Variants in THYN1 observed in about 807,000 individuals in gnomAD.
THYN1 encodes the protein thymocyte nuclear protein 1.
Under a neutral mutation model 30.6 loss-of-function variants are expected in THYN1, and 32 were observed. That is an observed-to-expected ratio of 1.05 (90% confidence interval 0.79 to 1.40). The LOEUF (loss-of-function observed/expected upper bound fraction) is 1.40, where lower values mean the gene tolerates loss of function less well. THYN1 is among the 40% of genes most tolerant of loss of function. The pLI is 0.00. For synonymous variants in THYN1, 107 were observed against 90.8 expected (o/e 1.18, Z -1.01); for missense variants, 259 against 272.6 (o/e 0.95, Z 0.35).
At position 134,251,220 on chromosome 11, in the gene THYN1, T is replaced by G. The variant is rs774595239; in HGVS notation, c.132A>C (p.Ser44=). 17 of 1,614,268 alleles carry G rather than the reference T, an allele frequency of 1.1e-5. No homozygotes were observed. The highest frequency in any genetic ancestry group is 1.4e-5 in the Non-Finnish European group (17 of 1,180,048). The part of the protein sequence containing the change: ...KVEDSNPQKT[S]ATKNCLKNLS... ...GATTCTTCAAACAGTTTTTAGTGGC[T>G]GAAGTCTTCTGAGGGTTGGAGTCCT... The change falls in exon 2 of 7, where the codon TCA becomes TCC. Residue 44 remains serine (S), a synonymous_variant. Coordinates refer to ENST00000341541, the MANE Select transcript of THYN1 (RefSeq NM_014174.3).
intron 2 of THYN1, among the ~76,000 whole-genome samples, chr11:134,250,910 T>C (rs1040761903): frequency 6.6e-6 from 1 of 152,234 alleles, no homozygotes; most frequent in African/African-American, 2.4e-5. Context: ...CTACAAAATT[T>C]ACTATCTGGC....
intron 5 of THYN1, 70 bp from the exon 6 acceptor site, chr11:134,249,029 C>T (rs904787294): frequency 6.3e-7 from 1 of 1,591,100 alleles, no homozygotes; most frequent in African/African-American, 1.3e-5. Flanking sequence ...TTTTTAACCG[C>T]CCACAGGAAG....
intron 1 of THYN1, chr11:134,251,768 T>G (rs111412607): frequency 0.044 from 6,699 of 152,990 alleles, 487 homozygotes; most frequent in African/African-American, 0.15. Flanking sequence ...TCTTGCTCAC[T>G]GTGGCTCCTG....
At chr11:134,251,087 A>T in intron 2 of THYN1, 43 bp downstream of exon 2, 1 of 1,545,420 alleles carries the variant, frequency 6.5e-7, no homozygotes, top group Non-Finnish European at 8.7e-7. Context: ...CTTCTCATTT[A>T]AAAAACACCA....
intron 4 of THYN1, 53 bp downstream of exon 4, chr11:134,249,775 A>T: frequency 6.4e-7 from 1 of 1,552,724 alleles, no homozygotes; most frequent in Middle Eastern, 1.7e-4. Context: ...ATATCTACTT[A>T]AGTTAGTCTC....
In THYN1 at chr11:134,248,969, AAC is replaced by A; in HGVS notation, c.481-12_481-11del. ...CAAACTGTACATCCACCTATGTGACAACAGTGTACATGACAGAAAGACGTGTC... is the reference window on the plus strand; with the variant it reads ...CAAACTGTACATCCACCTATGTGACAAGTGTACATGACAGAAAGACGTGTC... On this transcript the variant is annotated splice_polypyrimidine_tract_variant and intron_variant, in intron 5 of 6. Coordinates refer to ENST00000341541, the MANE Select transcript of THYN1 (RefSeq NM_014174.3). 6.2e-7 allele frequency: 1 copy of A among 1,614,166 alleles called. No homozygotes were observed. The highest frequency in any genetic ancestry group is 1.3e-5 in the African/African-American group (1 of 75,042).
In THYN1 at chr11:134,253,025, C is replaced by G; in HGVS notation, c.-143G>C. On this transcript the variant is annotated 5_prime_UTR_variant, in exon 1 of 7. Coordinates refer to ENST00000341541, the MANE Select transcript of THYN1 (RefSeq NM_014174.3). ...TAGAACGTCTCCAACTTTTGCGAAA[C>G]ACAGACGCCTACGTTTGAGCCCTCA... is the stretch of plus-strand genomic sequence containing the variant. 7.0e-7 allele frequency: 1 copy of G among 1,435,060 alleles called. No homozygotes were observed. The allele number at this position is 1,435,060 out of a possible 1,614,324, so 88.9% of individuals were successfully genotyped here.
In THYN1 at chr11:134,248,799, C is replaced by T. The variant is rs758274347; in HGVS notation, c.631+10G>A. ...GTATATGGACAATAAAGGAGAGGGC[C>T]CACTCTTACCCTGGGTCAGGGGCTG... On this transcript the variant is annotated intron_variant, in intron 6 of 6. Transcript: ENST00000341541. The T allele has an allele frequency of 3.1e-6, 5 of 1,613,884 alleles. No individual in the cohort carries two copies. Among genetic ancestry groups the T allele is most frequent in the Non-Finnish European group, 2.5e-6 (3 of 1,179,864 alleles).
At chr11:134,252,746 C>A in intron 1 of THYN1, 94 bp downstream of exon 1, 1 of 1,406,030 alleles carries the variant, frequency 7.1e-7, no homozygotes. Context: ...ACAAAGGGTT[C>A]TCAAAAAGCA....
rs570267747 is a variant in THYN1 at position 134,249,720 on chromosome 11, G to C, written c.384+108C>G. The C allele has an allele frequency of 2.8e-6, 3 of 1,054,888 alleles. No homozygotes were observed. In the African/African-American group the frequency reaches 4.8e-5, roughly 17 times the overall value. The allele number at this position is 1,054,888 out of a possible 1,614,324, so 65.3% of individuals were successfully genotyped here. On this transcript the variant is annotated intron_variant, in intron 4 of 6. Transcript: ENST00000341541. Reference sequence around the variant, plus strand: ...ATTCCTGTAAAAGGGGGATGGGGTGGGGGGGAGTGTACTTTTTTGTTGCCT... The same window carrying C: ...ATTCCTGTAAAAGGGGGATGGGGTGCGGGGGAGTGTACTTTTTTGTTGCCT...
At position 134,253,090 on chromosome 11, in the gene THYN1, T is replaced by C. The variant is rs1939200063; in HGVS notation, c.-208A>G. ...TTATCTGCGCCATTTCCATCTCGCA[T>C]AACCTGCCCCTAAACTCTTCTCGGT... On this transcript the variant is annotated 5_prime_UTR_variant, in exon 1 of 7. An upstream start codon of the reference 5' UTR is lost. Transcript: ENST00000341541. 1 of 1,389,278 alleles carries C rather than the reference T, an allele frequency of 7.2e-7. No homozygotes were observed. The highest frequency in any genetic ancestry group is 9.3e-7 in the Non-Finnish European group (1 of 1,078,286). 86.1% of individuals were successfully genotyped at this position (1,389,278 alleles called of 1,614,324 possible). A position where few individuals can be genotyped will look rare whatever the true frequency, so the allele number is the denominator to read the frequency against.
chr11:134,253,290 G>C lies in THYN1; in HGVS notation c.-408C>G. ...ATCTAGATGATGAAGTAATTTGCTG[G>C]CTACAGACCCAACACTCTGCAGACT... is the stretch of plus-strand genomic sequence containing the variant. On this transcript the variant is annotated 5_prime_UTR_variant, in exon 1 of 7. Transcript: ENST00000341541. The C allele has an allele frequency of 7.3e-7, 1 of 1,363,528 alleles. No homozygotes were observed. The highest frequency in any genetic ancestry group is 9.4e-7 in the Non-Finnish European group (1 of 1,059,446). The allele number at this position is 1,363,528 out of a possible 1,614,324, so 84.5% of individuals were successfully genotyped here.
At chr11:134,252,190 C>T (rs1939107197) in intron 1 of THYN1, among the ~76,000 whole-genome samples, 1 of 152,174 alleles carries the variant, frequency 6.6e-6, no homozygotes, top group Admixed American at 6.5e-5. Flanking sequence ...CTGTCTAATG[C>T]TCTGAACCCA....
rs754023155 is a variant in THYN1, at chr11:134,249,093, C to T, written c.480+74G>A. On this transcript the variant is annotated intron_variant, in intron 5 of 6. Coordinates refer to ENST00000341541, the MANE Select transcript of THYN1 (RefSeq NM_014174.3). Reference sequence around the variant, plus strand: ...TAAGTGCTGGGCCGTGTACCTTGACCTACAGTCACCCCAACCGTCTTCTTC... The same window carrying T: ...TAAGTGCTGGGCCGTGTACCTTGACTTACAGTCACCCCAACCGTCTTCTTC... The T allele has an allele frequency of 3.9e-6, 6 of 1,555,504 alleles. 1 individual carries two copies. The South Asian group carries it at 7.1e-5, about 18-fold the overall frequency.
chr11:134,252,499 C>T (rs1003610917), intron 1 of THYN1, among the ~76,000 whole-genome samples: 34 of 152,188 alleles, frequency 2.2e-4, no homozygotes, highest in African/African-American at 7.7e-4. Flanking sequence ...AGGCCTTCCC[C>T]GTGATTCCTC....
Position 134,248,975 on chromosome 11 carries a change from G to A in THYN1, c.481-16C>T. 6.2e-7 allele frequency: 1 copy of A among 1,613,976 alleles called. No individual in the cohort carries two copies. Among genetic ancestry groups the A allele is most frequent in the South Asian group, 1.1e-5 (1 of 91,078 alleles). Reference sequence around the variant, plus strand: ...GTACATCCACCTATGTGACAACAGTGTACATGACAGAAAGACGTGTCTAGG... The same window carrying A: ...GTACATCCACCTATGTGACAACAGTATACATGACAGAAAGACGTGTCTAGG... On this transcript the variant is annotated splice_polypyrimidine_tract_variant and intron_variant, in intron 5 of 6. Transcript: ENST00000341541.
Position 134,248,918 on chromosome 11 carries a change from G to A in THYN1, c.522C>T (p.Pro174=). 1 of 1,614,196 alleles carries A rather than the reference G, an allele frequency of 6.2e-7. No homozygotes were observed. The highest frequency in any genetic ancestry group is 8.5e-7 in the Non-Finnish European group (1 of 1,180,040). Residue 174 remains proline (P), a synonymous_variant, in exon 6 of 7, where the codon CCC becomes CCT. Coordinates refer to ENST00000341541, the MANE Select transcript of THYN1 (RefSeq NM_014174.3). ...GATGATAGGATTTGAGCTCAGCCAG[G>A]GGAATGAAACGTTTCATCATCCGAA... is the stretch of plus-strand genomic sequence containing the variant. The part of the protein sequence containing the change: ...QFVRMMKRFI[P]LAELKSYHQA...
rs766096798 is a variant in THYN1, at chr11:134,250,285, C to T, written c.281G>A (p.Arg94His). 4 of 1,614,026 alleles carry T rather than the reference C, an allele frequency of 2.5e-6. No individual in the cohort carries two copies. Among genetic ancestry groups the T allele is most frequent in the Non-Finnish European group, 2.5e-6 (3 of 1,180,020 alleles). The part of the protein sequence containing the change: ...PKQTTCWDGV[R>H]NYQARNFLRA... ...TCCTTACCCTCTTACCTGGTAGTTA[C>T]GAACACCATCCCAGCATGTTGTCTG... Residue 94 changes from arginine (R) to histidine (H), a missense_variant, in exon 3 of 7, where the codon CGT becomes CAT. Coordinates refer to ENST00000341541, the MANE Select transcript of THYN1 (RefSeq NM_014174.3).
At chr11:134,249,131 C>A in intron 5 of THYN1, 36 bp downstream of exon 5, 2 of 1,594,678 alleles carry the variant, frequency 1.3e-6, no homozygotes, top group Non-Finnish European at 1.7e-6. Context: ...CTGGTTCATC[C>A]TTCCCCTGTC....
Sources: allele counts gnomAD v4.1 joint callset (sites outside exome capture counted in the v4.1 genomes callset), GRCh38; gene constraint gnomAD v4.1.1; transcripts MANE v1.5; gene names NCBI Gene and HGNC (gene_info 2026-07-23, HGNC 2026-07-21).